Variants in FNDC3B observed in about 807,000 individuals in gnomAD.
FNDC3B encodes fibronectin type III domain containing 3B, also known as fibronectin type III domain-containing protein 3B.
Under a neutral mutation model 151.5 loss-of-function variants are expected in FNDC3B, and 12 were observed. The observed-to-expected ratio is 0.08, with a 90% CI of 0.05 to 0.13. FNDC3B has a LOEUF of 0.13. Among genes scored for constraint, FNDC3B ranks in the 10% least tolerant of loss-of-function variants. The pLI, the probability that FNDC3B is intolerant of heterozygous loss-of-function variation, is 1.00. For synonymous variants in FNDC3B, 528 were observed against 549.0 expected, an observed-to-expected ratio of 0.96 and a Z score of 0.54; for missense variants, 1,214 against 1,505.3, an observed-to-expected ratio of 0.81 and a Z score of 3.20.
chr3:172,042,984 G>A (rs146745553), intron 1 of FNDC3B, among the ~76,000 whole-genome samples: 1 of 151,314 alleles, frequency 6.6e-6, no homozygotes, highest in Non-Finnish European at 1.5e-5. Flanking sequence ...GCGCGGTCTC[G>A]GCTAACTGCA....
rs750469529 is a variant in FNDC3B at position 172,093,260 on chromosome 3, AT to A, written c.-28-19176del. ...TCAGTATCCCCACCCCACCCAGCTA[AT>A]TTTTTTTTTTTTTTTGAGACGGAGT... On this transcript the variant is annotated intron_variant, in intron 1 of 25. Coordinates refer to ENST00000415807, the MANE Select transcript of FNDC3B (RefSeq NM_022763.4). 4.3e-3 allele frequency among the ~76,000 whole-genome samples: 590 copies of A among 138,436 alleles called. 4 individuals carry two copies. Among genetic ancestry groups the A allele is most frequent in the African/African-American group, 0.01 (389 of 37,924 alleles). 90.8% of individuals were successfully genotyped at this position (138,436 alleles called of 152,430 possible). A position where few individuals can be genotyped will look rare whatever the true frequency, so the allele number is the denominator to read the frequency against.
intron 11 of FNDC3B, among the ~76,000 whole-genome samples, chr3:172,315,301 C>T (rs943122503): frequency 4.6e-5 from 7 of 152,112 alleles, no homozygotes; most frequent in Non-Finnish European, 1.0e-4. Context: ...TGCTAGAACC[C>T]GGGAAGCAGA....
At chr3:172,158,315 A>G (rs910886646) in intron 3 of FNDC3B, among the ~76,000 whole-genome samples, 1 of 152,244 alleles carries the variant, frequency 6.6e-6, no homozygotes, top group African/African-American at 2.4e-5. Context: ...TCAGCCATGT[A>G]CAAGTGATCC....
At chr3:172,363,004 C>G (rs1734439687) in intron 23 of FNDC3B, among the ~76,000 whole-genome samples, 159 bp downstream of exon 23, 1 of 150,280 alleles carries the variant, frequency 6.7e-6, no homozygotes, top group South Asian at 2.3e-4. Flanking sequence ...CGGAGTCGTT[C>G]CTTTTATTCT....
At chr3:172,284,614 C>T (rs1249768715) in intron 6 of FNDC3B, among the ~76,000 whole-genome samples, 1 of 151,472 alleles carries the variant, frequency 6.6e-6, no homozygotes, top group East Asian at 1.9e-4. Context: ...CTGTGCAGAG[C>T]TGGGCGTATT....
At chr3:172,106,862 A>G (rs1383512859) in intron 1 of FNDC3B, among the ~76,000 whole-genome samples, 1 of 152,242 alleles carries the variant, frequency 6.6e-6, no homozygotes, top group Non-Finnish European at 1.5e-5. Flanking sequence ...AAGAAGAAAA[A>G]GGAATAAGCT....
chr3:172,392,945 G>C (rs1434823228), intron 25 of FNDC3B, among the ~76,000 whole-genome samples: 2 of 151,516 alleles, frequency 1.3e-5, no homozygotes, highest in Admixed American at 1.3e-4. Context: ...TGGGATTACA[G>C]GCATATGCCA....
At chr3:172,272,622 T>G (rs1196721035) in intron 6 of FNDC3B, among the ~76,000 whole-genome samples, 1 of 152,222 alleles carries the variant, frequency 6.6e-6, no homozygotes, top group East Asian at 1.9e-4. Flanking sequence ...ATTCTGTATT[T>G]GAGCCTTTGG....
intron 7 of FNDC3B, among the ~76,000 whole-genome samples, chr3:172,293,383 T>A (rs1730438828): frequency 1.3e-5 from 2 of 152,260 alleles, no homozygotes; most frequent in African/African-American, 4.8e-5. Flanking sequence ...CTTCCTCAGA[T>A]GTTTTAAAGA....
chr3:172,246,360 C>T (rs538068479), intron 4 of FNDC3B, among the ~76,000 whole-genome samples: 8 of 152,350 alleles, frequency 5.3e-5, no homozygotes, highest in Admixed American at 6.5e-5. Flanking sequence ...TGTCCCAGCC[C>T]TGCCAATTGT....
intron 6 of FNDC3B, among the ~76,000 whole-genome samples, chr3:172,278,045 C>CT (rs1729522666): frequency 6.6e-6 from 1 of 152,206 alleles, no homozygotes; most frequent in Non-Finnish European, 1.5e-5. Context: ...TGGCCACAGG[C>CT]TGAGTATCTA....
chr3:172,054,721 G>T (rs888916043), intron 1 of FNDC3B, among the ~76,000 whole-genome samples: 3 of 152,096 alleles, frequency 2.0e-5, no homozygotes, highest in African/African-American at 7.2e-5. Flanking sequence ...CTGAACAGGG[G>T]GGTAGGGGGT....
rs763089858 is a variant in FNDC3B at position 172,260,849 on chromosome 3, G to A, written c.790+9308G>A. ...CTCTCTGGTTGAATTCTCTGTGTGA[G>A]CCCACAGAATGGGGTCTGACAGGCC... On this transcript the variant is annotated intron_variant, in intron 6 of 25. Coordinates refer to ENST00000415807, the MANE Select transcript of FNDC3B (RefSeq NM_022763.4). 2.0e-5 allele frequency among the ~76,000 whole-genome samples: 3 copies of A among 152,116 alleles called. No individual in the cohort carries two copies. The South Asian group carries it at 6.2e-4, about 32-fold the overall frequency.
At chr3:172,244,084 T>C (rs1727644885) in intron 4 of FNDC3B, among the ~76,000 whole-genome samples, 1 of 152,238 alleles carries the variant, frequency 6.6e-6, no homozygotes, top group Non-Finnish European at 1.5e-5. Context: ...AGTCTAATTT[T>C]TCTCTTTATA....
intron 1 of FNDC3B, among the ~76,000 whole-genome samples, chr3:172,112,177 A>T (rs1720009184): frequency 6.6e-6 from 1 of 152,262 alleles, no homozygotes; most frequent in South Asian, 2.1e-4. Context: ...TCTACCTTTA[A>T]GCCTGACTGA....
rs763005993 is a variant in FNDC3B at position 172,226,861 on chromosome 3, T to C, written c.188-10T>C. ...TCTTCAGCTATTAACATCTGACTCG[T>C]CTGTTTTAGGACCTGCTGAAGTTCC... On this transcript the variant is annotated splice_polypyrimidine_tract_variant and intron_variant, in intron 3 of 25. Coordinates refer to ENST00000415807, the MANE Select transcript of FNDC3B (RefSeq NM_022763.4). The C allele has an allele frequency of 5.7e-6, 9 of 1,581,824 alleles. No homozygotes were observed. The highest frequency in any genetic ancestry group is 5.2e-6 in the Non-Finnish European group (6 of 1,150,664).
At chr3:172,337,167 C>CT (rs34366798) in intron 15 of FNDC3B, among the ~76,000 whole-genome samples, 163 bp from the exon 16 acceptor site, 19,454 of 151,346 alleles carry the variant, frequency 0.13, 1,307 homozygotes, top group Middle Eastern at 0.21. Flanking sequence ...TTGTTTTTTT[C>CT]TTTTTTTTCA....
chr3:172,238,121 A>G (rs2108756702), intron 4 of FNDC3B, among the ~76,000 whole-genome samples: 1 of 152,332 alleles, frequency 6.6e-6, no homozygotes, highest in South Asian at 2.1e-4. Flanking sequence ...AGATTTGAAA[A>G]CAGAAAAGGA....
In FNDC3B at chr3:172,146,065, G is replaced by A. The variant is rs531090303; in HGVS notation, c.187+12519G>A. The stretch of plus-strand genomic sequence containing the variant: ...CATCCTCAGGTGATTTGCCCGCCTC[G>A]GCCTCCCAGAGTGCTGGGATTACAG... On this transcript the variant is annotated intron_variant, in intron 3 of 25. Coordinates refer to ENST00000415807, the MANE Select transcript of FNDC3B (RefSeq NM_022763.4). 5.9e-5 allele frequency among the ~76,000 whole-genome samples: 9 copies of A among 152,132 alleles called. No individual in the cohort carries two copies. In the South Asian group the frequency reaches 1.9e-3, roughly 32 times the overall value.
Sources: allele counts gnomAD v4.1 joint callset (sites outside exome capture counted in the v4.1 genomes callset), GRCh38; gene constraint gnomAD v4.1.1; transcripts MANE v1.5; gene names NCBI Gene and HGNC (gene_info 2026-07-23, HGNC 2026-07-21).